The following RPA3 variants were observed in gnomAD, a reference collection of about 807,000 sequenced individuals.
The protein encoded by RPA3 is replication protein A3, also known as replication protein A 14 kDa subunit.
Under a neutral mutation model 13.7 loss-of-function variants are expected in RPA3, and 24 were observed. That is an observed-to-expected ratio of 1.75 (90% CI 1.27 to 2.46). RPA3 has a LOEUF of 2.46. RPA3 is among the 30% of genes most tolerant of loss of function. The probability of loss-of-function intolerance (pLI) is 0.00; values close to 1 mark genes in which losing one functional copy is unlikely to be tolerated. For synonymous variants in RPA3, 59 were observed against 51.2 expected, an observed-to-expected ratio of 1.15 and a Z score of -0.65; for missense variants, 183 against 151.0, an observed-to-expected ratio of 1.21 and a Z score of -1.11.
intron 4 of RPA3, among the ~76,000 whole-genome samples, chr7:7,671,923 C>T (rs1779615433): frequency 6.6e-6 from 1 of 152,092 alleles, no homozygotes; most frequent in South Asian, 2.1e-4. Context: ...TTTTTCTTCT[C>T]CATTTTGAAT....
At chr7:7,690,869 A>G (rs1037949074) in intron 2 of RPA3, among the ~76,000 whole-genome samples, 2 of 152,232 alleles carry the variant, frequency 1.3e-5, no homozygotes, top group Non-Finnish European at 2.9e-5. Context: ...AAATTCAATT[A>G]TGACTTATAC....
chr7:7,712,026 A>G (rs1171038662), intron 2 of RPA3, among the ~76,000 whole-genome samples: 4 of 152,002 alleles, frequency 2.6e-5, no homozygotes, highest in Admixed American at 6.6e-5. Flanking sequence ...TTCTTCACGT[A>G]TCTTCCAAGC....
At chr7:7,639,988 T>C (rs548764805) in intron 5 of RPA3, 1 of 319,316 alleles carries the variant, frequency 3.1e-6, no homozygotes, top group Non-Finnish European at 5.9e-6. Context: ...TAGTTTTGTC[T>C]GCGTCCGTCA....
At chr7:7,716,736 G>A (rs1780915499) in intron 1 of RPA3, among the ~76,000 whole-genome samples, 1 of 152,220 alleles carries the variant, frequency 6.6e-6, no homozygotes. Context: ...ACGAGGTCAG[G>A]AGATCGAGAC....
intron 4 of RPA3, among the ~76,000 whole-genome samples, chr7:7,677,953 G>A (rs937891537): frequency 5.3e-5 from 8 of 151,920 alleles, no homozygotes; most frequent in Admixed American, 1.3e-4. Flanking sequence ...GATTACAGGC[G>A]TGAGCCACCG....
chr7:7,704,768 A>AAAG (rs1369511679), intron 2 of RPA3, among the ~76,000 whole-genome samples: 15 of 141,770 alleles, frequency 1.1e-4, no homozygotes, highest in African/African-American at 4.0e-4. Flanking sequence ...CTCCATCTCA[A>AAAG]AAAAAAAAAA....
At chr7:7,661,128 T>G (rs1785465083) in intron 4 of RPA3, among the ~76,000 whole-genome samples, 1 of 152,204 alleles carries the variant, frequency 6.6e-6, no homozygotes, top group African/African-American at 2.4e-5. Flanking sequence ...TTGTGTATGC[T>G]TCAGGAAGTT....
chr7:7,708,870 T>A (rs1264489742), intron 2 of RPA3, among the ~76,000 whole-genome samples: 1 of 151,866 alleles, frequency 6.6e-6, no homozygotes, highest in Non-Finnish European at 1.5e-5. Context: ...ATACAGGCAG[T>A]TGTATGTTTT....
chr7:7,697,417 C>T (rs6947203), intron 2 of RPA3, among the ~76,000 whole-genome samples: 48,136 of 151,910 alleles, frequency 0.32, 7,805 homozygotes, highest in South Asian at 0.37. Context: ...ATTTCATTTC[C>T]TGTAAGTTAT....
intron 4 of RPA3, among the ~76,000 whole-genome samples, chr7:7,645,939 T>A (rs1184394765): frequency 6.6e-6 from 1 of 152,162 alleles, no homozygotes; most frequent in Non-Finnish European, 1.5e-5. Flanking sequence ...GACCCCTTTG[T>A]GGGACTTGGA....
chr7:7,670,504 G>T (rs917575680), intron 4 of RPA3, among the ~76,000 whole-genome samples: 4 of 152,098 alleles, frequency 2.6e-5, no homozygotes, highest in African/African-American at 4.8e-5. Flanking sequence ...CTAACGATTC[G>T]GTGGTTCTCA....
At chr7:7,685,102 ACT>A (rs1780010025) in intron 4 of RPA3, among the ~76,000 whole-genome samples, 1 of 152,078 alleles carries the variant, frequency 6.6e-6, no homozygotes. Context: ...TGAGGATGAG[ACT>A]CTAAGTAAAA....
At chr7:7,651,490 C>T (rs932699659) in intron 4 of RPA3, among the ~76,000 whole-genome samples, 6 of 152,166 alleles carry the variant, frequency 3.9e-5, no homozygotes, top group South Asian at 2.1e-4. Context: ...TCTTCTGTCT[C>T]GTATTTTCCT....
chr7:7,686,459 G>A (rs900091350), intron 3 of RPA3, among the ~76,000 whole-genome samples: 3 of 152,100 alleles, frequency 2.0e-5, no homozygotes, highest in Non-Finnish European at 4.4e-5. Flanking sequence ...TTTTAAAAAT[G>A]TAGATAATTT....
rs774426885 is a variant in RPA3 at position 7,697,818 on chromosome 7, A to G, written c.-1027-10490T>C. On this transcript the variant is annotated intron_variant, in intron 2 of 7. Coordinates refer to ENST00000223129, the MANE Select transcript of RPA3 (RefSeq NM_002947.5). Reference sequence around the variant, plus strand: ...ATGGTGCATGTACTCTTGGGTATCCATCTTCCAATTTGAGACGTATAAATC... The same window carrying G: ...ATGGTGCATGTACTCTTGGGTATCCGTCTTCCAATTTGAGACGTATAAATC... Among the ~76,000 whole-genome samples the G allele has an allele frequency of 1.2e-4, 19 of 152,150 alleles. 1 individual carries two copies. The highest frequency in any genetic ancestry group is 5.8e-4 in the East Asian group (3 of 5,196).
At chr7:7,644,118 C>A (rs888240015) in intron 4 of RPA3, among the ~76,000 whole-genome samples, 2 of 152,058 alleles carry the variant, frequency 1.3e-5, no homozygotes, top group Admixed American at 6.5e-5. Flanking sequence ...GGAGTTTTTT[C>A]CCCCAATTTG....
At chr7:7,680,730 T>G (rs1182503336) in intron 4 of RPA3, among the ~76,000 whole-genome samples, 1 of 152,104 alleles carries the variant, frequency 6.6e-6, no homozygotes, top group Non-Finnish European at 1.5e-5. Context: ...TTCATCAGTA[T>G]TTTATAATTT....
intron 1 of RPA3, among the ~76,000 whole-genome samples, chr7:7,716,814 C>T (rs993400873): frequency 6.6e-6 from 1 of 152,092 alleles, no homozygotes; most frequent in Admixed American, 6.5e-5. Flanking sequence ...GGCATGGTGG[C>T]GGGCGCCCAT....
intron 4 of RPA3, chr7:7,641,478 T>G (rs1784972846): frequency 6.6e-6 from 1 of 152,258 alleles, no homozygotes; most frequent in Non-Finnish European, 1.5e-5. Flanking sequence ...TGACTCTGAC[T>G]TTTGGCCATA....
Sources: allele counts gnomAD v4.1 joint callset (sites outside exome capture counted in the v4.1 genomes callset), GRCh38; gene constraint gnomAD v4.1.1; transcripts MANE v1.5; gene names NCBI Gene and HGNC (gene_info 2026-07-23, HGNC 2026-07-21).